The following NCAPD2 variants were observed in gnomAD, a reference collection of about 807,000 sequenced individuals.
The protein encoded by NCAPD2 is condensin complex subunit 1.
In NCAPD2, 100 loss-of-function variants were observed where a neutral mutation model predicts 164.5. The observed-to-expected ratio is 0.61, with a 90% CI of 0.52 to 0.72. NCAPD2 has a LOEUF of 0.72. Among genes scored for constraint, NCAPD2 ranks in the 30% least tolerant of loss-of-function variants. NCAPD2 has a pLI of 0.00. For missense variants in NCAPD2, 1,560 were observed against 1,749.2 expected (o/e 0.89, Z 1.93); for synonymous variants, 585 against 642.6 (o/e 0.91, Z 1.36).
chr12:6,513,715 C>CTGTTTTTTTTTTTTTTTTTTTT (rs1946171738), intron 6 of NCAPD2, among the ~76,000 whole-genome samples: 1 of 74,894 alleles, frequency 1.3e-5, no homozygotes, highest in East Asian at 2.8e-4. Flanking sequence ...GTGACTTTGT[C>CTGTTTTTTTTTTTTTTTTTTTT]TTTTTTTTTT....
At chr12:6,515,154 A>G (rs1237189138) in intron 9 of NCAPD2, among the ~76,000 whole-genome samples, 2 of 151,370 alleles carry the variant, frequency 1.3e-5, no homozygotes, top group Non-Finnish European at 2.9e-5. Flanking sequence ...GGGAGATGAC[A>G]TTTCTGCAGC....
chr12:6,514,255 C>T lies in NCAPD2; in HGVS notation c.588-10C>T. 6.2e-7 allele frequency: 1 copy of T among 1,614,108 alleles called. No individual in the cohort carries two copies. ...GCTGCTTTCATCATCTCAAACTCTTCCTTTCTCAGTTTGGTTACTGGCTGT... is the reference window on the plus strand; with the variant it reads ...GCTGCTTTCATCATCTCAAACTCTTTCTTTCTCAGTTTGGTTACTGGCTGT... On this transcript the variant is annotated splice_polypyrimidine_tract_variant and intron_variant, in intron 6 of 31. Coordinates refer to ENST00000315579, the MANE Select transcript of NCAPD2 (RefSeq NM_014865.4).
intron 13 of NCAPD2, among the ~76,000 whole-genome samples, chr12:6,519,218 G>T (rs1357791737): frequency 2.6e-5 from 4 of 152,134 alleles, no homozygotes; most frequent in African/African-American, 9.7e-5. Flanking sequence ...CTAGAGAGTG[G>T]CTTGTTTGCC....
rs188753322 is a variant in NCAPD2, at chr12:6,501,489, T to C, written c.127+6264T>C. On this transcript the variant is annotated intron_variant, in intron 2 of 31. Transcript: ENST00000315579. Reference sequence around the variant, plus strand: ...AGGCGTGGGCCACCACACCCGGCCTTACAAGGCTTTTTGACTTGAGCAACT... The same window carrying C: ...AGGCGTGGGCCACCACACCCGGCCTCACAAGGCTTTTTGACTTGAGCAACT... Among the ~76,000 whole-genome samples, 264 of 152,244 alleles carry C rather than the reference T, an allele frequency of 1.7e-3. 7 individuals carry two copies. The South Asian group carries it at 0.039, about 23-fold the overall frequency.
chr12:6,510,275 G>C (rs751941705), intron 4 of NCAPD2, 142 bp downstream of exon 4: 1 of 962,232 alleles, frequency 1.0e-6, no homozygotes, highest in Non-Finnish European at 1.7e-6. Context: ...CTAAGCCCAG[G>C]GACCTTTGGC....
intron 6 of NCAPD2, among the ~76,000 whole-genome samples, chr12:6,511,531 G>A (rs1163231627): frequency 6.6e-6 from 1 of 152,018 alleles, no homozygotes; most frequent in Non-Finnish European, 1.5e-5. Flanking sequence ...GTTTTGCCAT[G>A]TTGGCCAGGC....
Position 6,531,697 on chromosome 12 carries a change from CAA to C in NCAPD2, c.*286_*287del. 1 of 417,316 alleles carries C rather than the reference CAA, an allele frequency of 2.4e-6. No homozygotes were observed. The highest frequency in any genetic ancestry group is 4.3e-6 in the Non-Finnish European group (1 of 230,248). The allele number at this position is 417,316 out of a possible 1,614,324, so 25.9% of individuals were successfully genotyped here. On this transcript the variant is annotated 3_prime_UTR_variant, in exon 32 of 32. Coordinates refer to ENST00000315579, the MANE Select transcript of NCAPD2 (RefSeq NM_014865.4). The surrounding 1 kb of genome is among the most constrained non-coding windows in gnomAD (Gnocchi z 4.1). ...GCGTGCGCCTGTAATCCCAGCTACT[CAA>C]GAGGCTGAGGCAGGAGAATCGCCTG...
Position 6,531,638 on chromosome 12 carries a change from TCTA to T in NCAPD2, c.*230_*232del. On this transcript the variant is annotated 3_prime_UTR_variant, in exon 32 of 32. Coordinates refer to ENST00000315579, the MANE Select transcript of NCAPD2 (RefSeq NM_014865.4). This position sits in a 1 kb window ranked among gnomAD's most constrained non-coding sequence, Gnocchi z 4.1. ...CTGACCAACATGGAGAAACCCCATC[TCTA>T]CTAAAAATAAAAAATTAGCCGGGCG... 1 of 753,492 alleles carries T rather than the reference TCTA, an allele frequency of 1.3e-6. No homozygotes were observed. The highest frequency in any genetic ancestry group is 1.6e-5 in the South Asian group (1 of 60,950). 46.7% of individuals were successfully genotyped at this position (753,492 alleles called of 1,614,324 possible).
At chr12:6,504,216 T>TACACATATATATAC (rs1406807438) in intron 2 of NCAPD2, among the ~76,000 whole-genome samples, 4 of 23,218 alleles carry the variant, frequency 1.7e-4, no homozygotes, top group Non-Finnish European at 2.4e-4. Context: ...TATATATATA[T>TACACATATATATAC]AGATATAGAT....
rs1946352578 is a variant in NCAPD2 at position 6,529,604 on chromosome 12, C to T, written c.3653+11C>T. 6.2e-7 allele frequency: 1 copy of T among 1,614,080 alleles called. No homozygotes were observed. Among genetic ancestry groups the T allele is most frequent in the Non-Finnish European group, 8.5e-7 (1 of 1,179,890 alleles). On this transcript the variant is annotated intron_variant, in intron 28 of 31. Transcript: ENST00000315579. ...GTTCCGCACATCCCGGTATGCTGCC[C>T]TCCCTGAGGGTTCTTTGTGCTGAGC...
rs1344973671 is a variant in NCAPD2 at position 6,526,903 on chromosome 12, C to G, written c.2747C>G (p.Ala916Gly). 1 of 1,612,350 alleles carries G rather than the reference C, an allele frequency of 6.2e-7. No individual in the cohort carries two copies. Among genetic ancestry groups the G allele is most frequent in the South Asian group, 1.1e-5 (1 of 90,870 alleles). ...TSQEDPKESPAMLPTFLLMNL... is the reference protein window; with the variant it reads ...TSQEDPKESPGMLPTFLLMNL... ...CCCTCTCCTCCAGAGGAGTCCCCCG[C>G]AATGCTCCCCACTTTCCTGTTGATG... Residue 916 changes from alanine (A) to glycine (G), a missense_variant, in exon 22 of 32, where the codon GCA becomes GGA. By Grantham distance (60) the Ala-to-Gly change is moderately conservative (BLOSUM62 0). Coordinates refer to ENST00000315579, the MANE Select transcript of NCAPD2 (RefSeq NM_014865.4).
chr12:6,518,504 G>GTTTTTTTTTTTGTTTGTTTTTTTT (rs1946226887), intron 13 of NCAPD2, among the ~76,000 whole-genome samples: 1 of 44,774 alleles, frequency 2.2e-5, no homozygotes, highest in African/African-American at 1.0e-4. Flanking sequence ...CCGTCAACAA[G>GTTTTTTTTTTTGTTTGTTTTTTTT]TTTTTTTTTT....
chr12:6,529,906 C>CT lies in NCAPD2; in HGVS notation c.3791dup (p.Leu1264PhefsTer14). 1 of 1,614,226 alleles carries CT rather than the reference C, an allele frequency of 6.2e-7. No homozygotes were observed. Among genetic ancestry groups the CT allele is most frequent in the Middle Eastern group, 1.6e-4 (1 of 6,062 alleles). ...CTGTCAGATGAGTCCATCTTCAGTGCTTTTTTGTCAGTTGTAGGCAAGCTG... is the reference window on the plus strand; with the variant it reads ...CTGTCAGATGAGTCCATCTTCAGTGCTTTTTTTGTCAGTTGTAGGCAAGCTG... On this transcript the variant is annotated frameshift_variant, in exon 29 of 32. Transcript: ENST00000315579. LOFTEE classifies it high-confidence loss of function.
intron 27 of NCAPD2, 126 bp downstream of exon 27, chr12:6,529,165 C>G (rs760185263): frequency 8.2e-5 from 64 of 778,952 alleles, no homozygotes; most frequent in Non-Finnish European, 1.3e-4. Context: ...AACTTAGCCT[C>G]TCTTTGTGCC....
chr12:6,528,733 C>T lies in NCAPD2; in HGVS notation c.3354C>T (p.His1118=). Residue 1118 remains histidine (H), a synonymous_variant, in exon 26 of 32, where the codon CAC becomes CAT. Coordinates refer to ENST00000315579, the MANE Select transcript of NCAPD2 (RefSeq NM_014865.4). The surrounding 1 kb of genome is among the most constrained non-coding windows in gnomAD (Gnocchi z 5.1). ...VRKTAGLVMT[H]LILKDMVKVK... is the part of the protein sequence containing the mutation. ...AAACAGCGGGGCTGGTGATGACCCA[C>T]CTGATCCTCAAGGACATGGTGAAGG... The T allele has an allele frequency of 1.2e-6, 2 of 1,614,130 alleles. No homozygotes were observed. Among genetic ancestry groups the T allele is most frequent in the Non-Finnish European group, 1.7e-6 (2 of 1,179,992 alleles).
At chr12:6,496,348 C>T (rs61918020) in intron 2 of NCAPD2, among the ~76,000 whole-genome samples, 25,516 of 152,210 alleles carry the variant, frequency 0.17, 2,732 homozygotes, top group Non-Finnish European at 0.24. Flanking sequence ...GCGTGAGCCA[C>T]TGCACCAGTC....
At chr12:6,530,071 A>T in intron 29 of NCAPD2, 113 bp downstream of exon 29, 1 of 1,216,286 alleles carries the variant, frequency 8.2e-7, no homozygotes. Context: ...CCTTATCCCC[A>T]GCTGGGTTGC....
chr12:6,528,306 T>G lies in NCAPD2; in HGVS notation c.3277T>G (p.Trp1093Gly). The G allele has an allele frequency of 6.2e-7, 1 of 1,613,818 alleles. No homozygotes were observed. The highest frequency in any genetic ancestry group is 8.5e-7 in the Non-Finnish European group (1 of 1,180,024). ...CCGCTTTCCCAATCTGGTGGACCCC[T>G]GGACTCCTCATCTGTATGCTCGGTA... is the stretch of plus-strand genomic sequence containing the variant. ...AIRFPNLVDP[W>G]TPHLYARLRD... is the part of the protein sequence containing the mutation. The change falls in exon 25 of 32, where the codon TGG becomes GGG. Residue 1093 changes from tryptophan to glycine, a missense_variant. Transcript: ENST00000315579. The surrounding 1 kb of genome is among the most constrained non-coding windows in gnomAD (Gnocchi z 5.1).
In NCAPD2 at chr12:6,528,550, A is replaced by G. The variant is rs866749449; in HGVS notation, c.3300-129A>G. ...TTCCCCCACTCCAGCTTTCAACTCT[A>G]GACAGCTTTCTGACTGCTTCTGGAG... On this transcript the variant is annotated intron_variant, in intron 25 of 31. Coordinates refer to ENST00000315579, the MANE Select transcript of NCAPD2 (RefSeq NM_014865.4). This position sits in a 1 kb window ranked among gnomAD's most constrained non-coding sequence, Gnocchi z 5.1. 1.6e-5 allele frequency: 20 copies of G among 1,238,548 alleles called. No homozygotes were observed. In the South Asian group the frequency reaches 2.1e-4, roughly 13 times the overall value. The allele number at this position is 1,238,548 out of a possible 1,614,324, so 76.7% of individuals were successfully genotyped here.
Sources: allele counts gnomAD v4.1 joint callset (sites outside exome capture counted in the v4.1 genomes callset), GRCh38; gene constraint gnomAD v4.1.1; non-coding constraint Gnocchi (gnomAD v3.1); transcripts MANE v1.5; gene names NCBI Gene and HGNC (gene_info 2026-07-23, HGNC 2026-07-21).